The following PAQR3 variants were observed in gnomAD, a reference collection of about 807,000 sequenced individuals.
The protein encoded by PAQR3 is progestin and adipoQ receptor family member 3.
A neutral mutation model predicts 41.7 loss-of-function variants in PAQR3; 39 were observed. The ratio of observed to expected loss-of-function variants is 0.93; its 90% confidence interval spans 0.72 to 1.22. The LOEUF is 1.22. Ranked by LOEUF, PAQR3 falls within the 50% of genes most tolerant of loss-of-function variation. The pLI is 0.00. For missense variants in PAQR3, 366 were observed against 385.6 expected (o/e 0.95, Z 0.42); for synonymous variants, 140 against 140.6 (o/e 1.00, Z 0.03).
chr4:78,926,401 C>A (rs1386978883), intron 4 of PAQR3, 120 bp downstream of exon 4: 3 of 801,096 alleles, frequency 3.7e-6, no homozygotes, highest in Non-Finnish European at 5.9e-6. Flanking sequence ...CATGCAATTA[C>A]AAATATGTTC....
At chr4:78,930,076 A>T in intron 3 of PAQR3, 94 bp downstream of exon 3, 1 of 1,205,878 alleles carries the variant, frequency 8.3e-7, no homozygotes, top group Non-Finnish European at 1.2e-6. Context: ...TCTATAAGTT[A>T]ATTATGTACT....
downstream of PAQR3, chr4:78,910,787 A>C (rs769682431): frequency 6.2e-7 from 1 of 1,613,888 alleles, no homozygotes; most frequent in Non-Finnish European, 8.5e-7. Context: ...TTTGAATCAG[A>C]TCCCCCTTCT....
At position 78,911,942 on chromosome 4, in the gene PAQR3, T is replaced by G. The variant is rs775832274; in HGVS notation, c.*8597A>C. On this transcript the variant is annotated 3_prime_UTR_variant, in exon 6 of 6. Coordinates refer to ENST00000512733, the MANE Select transcript of PAQR3 (RefSeq NM_001040202.2). ...GGTGCCGTGCCCTTTACAGAACTTG[T>G]GGTGCAAAGCATCACTCCACATCAG... 29 of 1,613,896 alleles carry G rather than the reference T, an allele frequency of 1.8e-5. No individual in the cohort carries two copies. In the Admixed American group the frequency reaches 4.5e-4, roughly 25 times the overall value.
chr4:78,912,075 A>G lies in PAQR3; in HGVS notation c.*8464T>C, dbSNP rs1286351531. The G allele has an allele frequency of 6.6e-7, 1 of 1,514,766 alleles. No individual in the cohort carries two copies. Among genetic ancestry groups the G allele is most frequent in the South Asian group, 1.3e-5 (1 of 77,696 alleles). 93.8% of individuals were successfully genotyped at this position (1,514,766 alleles called of 1,614,324 possible). On this transcript the variant is annotated 3_prime_UTR_variant, in exon 6 of 6. Transcript: ENST00000512733. Reference sequence around the variant, plus strand: ...CTCGGCATTAACTCCTGTTTCAAAAAAGTGTGAACAGTTTTATGAATTTGA... The same window carrying G: ...CTCGGCATTAACTCCTGTTTCAAAAGAGTGTGAACAGTTTTATGAATTTGA...
At chr4:78,934,738 T>C (rs768931441) in intron 2 of PAQR3, among the ~76,000 whole-genome samples, 23 of 152,064 alleles carry the variant, frequency 1.5e-4, no homozygotes, top group Non-Finnish European at 2.6e-4. Flanking sequence ...AAATAACAAA[T>C]ACAAAAATCA....
chr4:78,897,303 A>G (rs1309267938), intron 11 of PAQR3, among the ~76,000 whole-genome samples: 1 of 152,132 alleles, frequency 6.6e-6, no homozygotes, highest in Non-Finnish European at 1.5e-5. Context: ...TGTAGAAACA[A>G]AATTTAAAGT....
chr4:78,913,898 AC>A lies in PAQR3; in HGVS notation c.*6640del, dbSNP rs1358143042. Reference sequence around the variant, plus strand: ...TCGTGCCAAAGGCAAATATGTTTGCACCTTTTTTTTTTTTTCTGATTCTCAG... The same window carrying A: ...TCGTGCCAAAGGCAAATATGTTTGCACTTTTTTTTTTTTTCTGATTCTCAG... On this transcript the variant is annotated 3_prime_UTR_variant, in exon 6 of 6. Transcript: ENST00000512733. 1 of 147,578 alleles carries A rather than the reference AC, an allele frequency of 6.8e-6. No homozygotes were observed. The highest frequency in any genetic ancestry group is 1.5e-5 in the Non-Finnish European group (1 of 66,872). The allele number at this position is 147,578 out of a possible 1,614,324, so 9.1% of individuals were successfully genotyped here.
In PAQR3 at chr4:78,911,964, T is replaced by TCAGTCCCAA. The variant is rs762398126; in HGVS notation, c.*8566_*8574dup. The stretch of plus-strand genomic sequence containing the variant: ...TTGTGGTGCAAAGCATCACTCCACA[T>TCAGTCCCAA]CAGTCCCAACAGTCCCAACCAGTCG... On this transcript the variant is annotated 3_prime_UTR_variant, in exon 6 of 6. Coordinates refer to ENST00000512733, the MANE Select transcript of PAQR3 (RefSeq NM_001040202.2). 6.2e-7 allele frequency: 1 copy of TCAGTCCCAA among 1,613,992 alleles called. No individual in the cohort carries two copies. Among genetic ancestry groups the TCAGTCCCAA allele is most frequent in the Non-Finnish European group, 8.5e-7 (1 of 1,179,870 alleles).
At chr4:78,891,500 C>T (rs938524082) in intron 11 of PAQR3, among the ~76,000 whole-genome samples, 1 of 152,130 alleles carries the variant, frequency 6.6e-6, no homozygotes, top group African/African-American at 2.4e-5. Context: ...AATCATTCCT[C>T]TTACTAGGAT....
At chr4:78,927,024 A>T (rs1324293904) in intron 3 of PAQR3, among the ~76,000 whole-genome samples, 1 of 152,052 alleles carries the variant, frequency 6.6e-6, no homozygotes, top group Non-Finnish European at 1.5e-5. Context: ...TATGACATGG[A>T]CTCTCCCAGC....
At chr4:78,925,434 T>C (rs1452763878) in intron 4 of PAQR3, among the ~76,000 whole-genome samples, 2 of 152,180 alleles carry the variant, frequency 1.3e-5, no homozygotes, top group Non-Finnish European at 2.9e-5. Flanking sequence ...CCCTCATCAT[T>C]ACTGTCTCAC....
At chr4:78,908,123 CAA>C (rs1235505395), downstream of PAQR3, among the ~76,000 whole-genome samples, 1 of 152,118 alleles carries the variant, frequency 6.6e-6, no homozygotes, top group Non-Finnish European at 1.5e-5. Flanking sequence ...GGAAGGATAA[CAA>C]ATACAGCATG....
chr4:78,932,766 ATTAACAGAAAACCCCAGATT>A (rs1174751856), intron 2 of PAQR3, among the ~76,000 whole-genome samples: 2 of 152,208 alleles, frequency 1.3e-5, no homozygotes, highest in Non-Finnish European at 2.9e-5. Flanking sequence ...GTAAAATAGC[ATTAACAGAAAACCCCAGATT>A]TTAAAGTTAA....
At chr4:78,897,007 A>G (rs1174671919) in intron 11 of PAQR3, among the ~76,000 whole-genome samples, 4 of 152,148 alleles carry the variant, frequency 2.6e-5, no homozygotes, top group Non-Finnish European at 1.5e-5. Context: ...GAGTTTTGAT[A>G]GTTTCCTCTC....
chr4:78,935,135 G>C lies in PAQR3; in HGVS notation c.334C>G (p.Leu112Val). 1 of 1,612,720 alleles carries C rather than the reference G, an allele frequency of 6.2e-7. No individual in the cohort carries two copies. The highest frequency in any genetic ancestry group is 8.5e-7 in the Non-Finnish European group (1 of 1,179,566). The change falls in exon 2 of 6, where the codon CTT becomes GTT. Residue 112 changes from leucine to valine, a missense_variant. By Grantham distance (32) the Leu-to-Val change is conservative. Transcript: ENST00000512733. Reference sequence around the variant, plus strand: ...AAATGACTTACCTGGAAGCAGAAAAGACAAATAGAACAAATTACAAAATCT... The same window carrying C: ...AAATGACTTACCTGGAAGCAGAAAACACAAATAGAACAAATTACAAAATCT... Reference protein sequence around the residue: ...REDFVICSICLFCFQVCMLCS... With the variant: ...REDFVICSICVFCFQVCMLCS...
rs540284247 is a variant in PAQR3 at position 78,915,905 on chromosome 4, A to G, written c.*4634T>C. 1 of 152,108 alleles carries G rather than the reference A, an allele frequency of 6.6e-6. No individual in the cohort carries two copies. The highest frequency in any genetic ancestry group is 2.4e-5 in the African/African-American group (1 of 41,568). The allele number at this position is 152,108 out of a possible 1,614,324, so 9.4% of individuals were successfully genotyped here. ...AAAAGTCATCTAATAGAAGCTGTAT[A>G]GAAGCTACTTTTTAATTGCTGGCAA... On this transcript the variant is annotated 3_prime_UTR_variant, in exon 6 of 6. Coordinates refer to ENST00000512733, the MANE Select transcript of PAQR3 (RefSeq NM_001040202.2).
chr4:78,924,545 C>T (rs1735995805), intron 4 of PAQR3, among the ~76,000 whole-genome samples: 1 of 152,004 alleles, frequency 6.6e-6, no homozygotes, highest in African/African-American at 2.4e-5. Flanking sequence ...TGTAATCCTA[C>T]CACTTTGGGA....
intron 5 of PAQR3, chr4:78,921,482 G>T (rs936336939): frequency 3.6e-5 from 6 of 165,006 alleles, no homozygotes; most frequent in Non-Finnish European, 7.5e-5. Context: ...ATATCAATAA[G>T]ATTCTTAGCC....
In PAQR3 at chr4:78,939,391, C is replaced by G; in HGVS notation, c.-167G>C. 1 of 417,278 alleles carries G rather than the reference C, an allele frequency of 2.4e-6. No homozygotes were observed. Among genetic ancestry groups the G allele is most frequent in the Non-Finnish European group, 3.7e-6 (1 of 270,578 alleles). The allele number at this position is 417,278 out of a possible 1,614,324, so 25.8% of individuals were successfully genotyped here. A position where few individuals can be genotyped will look rare whatever the true frequency, so the allele number is the denominator to read the frequency against. On this transcript the variant is annotated 5_prime_UTR_variant, in exon 1 of 6. Coordinates refer to ENST00000512733, the MANE Select transcript of PAQR3 (RefSeq NM_001040202.2). Reference sequence around the variant, plus strand: ...GGCCCGGCTCTGCGCTCACACCGGCCACTGCCGCCAGCGCCGCGGCGGACC... The same window carrying G: ...GGCCCGGCTCTGCGCTCACACCGGCGACTGCCGCCAGCGCCGCGGCGGACC...
Sources: allele counts gnomAD v4.1 joint callset (sites outside exome capture counted in the v4.1 genomes callset), GRCh38; gene constraint gnomAD v4.1.1; transcripts MANE v1.5; gene names NCBI Gene and HGNC (gene_info 2026-07-23, HGNC 2026-07-21).